Variants in NFIX observed in about 807,000 individuals in gnomAD.
NFIX encodes nuclear factor 1 X-type.
A neutral mutation model predicts 53.3 loss-of-function variants in NFIX; 2 were observed. The ratio of observed to expected loss-of-function variants is 0.04; its 90% CI spans 0.02 to 0.12. The LOEUF (loss-of-function observed/expected upper bound fraction) is 0.12, where lower values mean the gene tolerates loss of function less well. Ranked by LOEUF, NFIX falls within the 10% of genes least tolerant of loss-of-function variation. The pLI, the probability that NFIX is intolerant of heterozygous loss-of-function variation, is 1.00. For missense variants in NFIX, 310 were observed against 674.5 expected (o/e 0.46, Z 5.99); for synonymous variants, 244 against 289.0 (o/e 0.84, Z 1.58).
Position 13,011,855 on chromosome 19 carries a change from C to T in NFIX, c.28-13166C>T, listed in dbSNP as rs1178402257. The stretch of plus-strand genomic sequence containing the variant: ...CTCAAGGCGCCTGGCATTTCCTGGA[C>T]CCGCTGCAACTGACTCAAGACTGGG... On this transcript the variant is annotated intron_variant, in intron 1 of 10. Coordinates refer to ENST00000592199, the MANE Select transcript of NFIX (RefSeq NM_001365902.3). The surrounding 1 kb of genome is among the most constrained non-coding windows in gnomAD (Gnocchi z 6.5). Among the ~76,000 whole-genome samples, 1 of 152,154 alleles carries T rather than the reference C, an allele frequency of 6.6e-6. No homozygotes were observed. The highest frequency in any genetic ancestry group is 1.5e-5 in the Non-Finnish European group (1 of 68,030).
In NFIX at chr19:13,002,782, C is replaced by A. The variant is rs777945945; in HGVS notation, c.27+6918C>A. On this transcript the variant is annotated intron_variant, in intron 1 of 10. Coordinates refer to ENST00000592199, the MANE Select transcript of NFIX (RefSeq NM_001365902.3). This position sits in a 1 kb window ranked among gnomAD's most constrained non-coding sequence, Gnocchi z 6.1. ...GGGGTTGCACTGGGGAGCTCTCCCC[C>A]CACTGGGCCCCACCCTGAGGGGAGC... 2.6e-5 allele frequency among the ~76,000 whole-genome samples: 4 copies of A among 152,162 alleles called. No individual in the cohort carries two copies. Among genetic ancestry groups the A allele is most frequent in the African/African-American group, 7.2e-5 (3 of 41,464 alleles).
rs1352890248 is a variant in NFIX, at chr19:13,068,715, A to G, written c.560-4332A>G. 2.0e-5 allele frequency among the ~76,000 whole-genome samples: 3 copies of G among 152,236 alleles called. No homozygotes were observed. Among genetic ancestry groups the G allele is most frequent in the Non-Finnish European group, 4.4e-5 (3 of 68,036 alleles). ...ACTTGGGCCCATGCGGAGGGAGTCC[A>G]GTCTTATTGCCTGCTCCTTCGTAGC... On this transcript the variant is annotated intron_variant, in intron 2 of 10. Coordinates refer to ENST00000592199, the MANE Select transcript of NFIX (RefSeq NM_001365902.3). This position sits in a 1 kb window ranked among gnomAD's most constrained non-coding sequence, Gnocchi z 4.2.
At chr19:13,018,733 C>T (rs1163129813) in intron 1 of NFIX, among the ~76,000 whole-genome samples, 1 of 152,244 alleles carries the variant, frequency 6.6e-6, no homozygotes, top group Non-Finnish European at 1.5e-5. Context: ...TCTGCAGTTC[C>T]CTTCCCATCT....
chr19:13,024,767 C>G (rs997209966), intron 1 of NFIX: 1 of 1,510,462 alleles, frequency 6.6e-7, no homozygotes, highest in Admixed American at 2.0e-5. Flanking sequence ...TGTAGAGGCT[C>G]CCGGTGCCTC....
Position 13,095,021 on chromosome 19 carries a change from C to G in NFIX, c.*372C>G. 1 of 249,602 alleles carries G rather than the reference C, an allele frequency of 4.0e-6. No homozygotes were observed. The highest frequency in any genetic ancestry group is 7.9e-6 in the Non-Finnish European group (1 of 126,514). The allele number at this position is 249,602 out of a possible 1,614,324, so 15.5% of individuals were successfully genotyped here. A position where few individuals can be genotyped will look rare whatever the true frequency, so the allele number is the denominator to read the frequency against. ...GAAGGAACAAAGTCCCCAAACAAAG[C>G]AACCAGCACAATTCTGAAGGGGCCT... On this transcript the variant is annotated 3_prime_UTR_variant, in exon 11 of 11. Transcript: ENST00000592199.
At position 13,094,778 on chromosome 19, in the gene NFIX, C is replaced by A; in HGVS notation, c.*129C>A. The stretch of plus-strand genomic sequence containing the variant: ...CCGAAAAGCAAAAATTACACGTCGT[C>A]AGCCACTCAGCCCTTCTCTCCTCCA... On this transcript the variant is annotated 3_prime_UTR_variant, in exon 11 of 11. Coordinates refer to ENST00000592199, the MANE Select transcript of NFIX (RefSeq NM_001365902.3). This position sits in a 1 kb window ranked among gnomAD's most constrained non-coding sequence, Gnocchi z 4.3. 1 of 965,680 alleles carries A rather than the reference C, an allele frequency of 1.0e-6. No individual in the cohort carries two copies. The highest frequency in any genetic ancestry group is 1.6e-6 in the Non-Finnish European group (1 of 643,714). The allele number at this position is 965,680 out of a possible 1,614,324, so 59.8% of individuals were successfully genotyped here.
In NFIX at chr19:13,081,913, T is replaced by C; in HGVS notation, c.1254+58T>C. On this transcript the variant is annotated intron_variant, in intron 8 of 10. Coordinates refer to ENST00000592199, the MANE Select transcript of NFIX (RefSeq NM_001365902.3). This position sits in a 1 kb window ranked among gnomAD's most constrained non-coding sequence, Gnocchi z 4.7. ...AGCCTCATCTCCACATCTATCTGTC[T>C]GTCTCAGGGCTCACAGGGAGAGGGC... 2 of 1,589,708 alleles carry C rather than the reference T, an allele frequency of 1.3e-6. No homozygotes were observed. Among genetic ancestry groups the C allele is most frequent in the Non-Finnish European group, 1.7e-6 (2 of 1,164,644 alleles).
At position 13,078,548 on chromosome 19, in the gene NFIX, C is replaced by T; in HGVS notation, c.956-65C>T. 1.3e-6 allele frequency: 2 copies of T among 1,535,012 alleles called. No homozygotes were observed. Among genetic ancestry groups the T allele is most frequent in the Non-Finnish European group, 1.8e-6 (2 of 1,134,300 alleles). ...AGAGAAGGAGCGAGCTGCTGGCTTC[C>T]CGCCTTCCCCGCACCCACCCCAGCC... is the stretch of plus-strand genomic sequence containing the variant. On this transcript the variant is annotated intron_variant, in intron 6 of 10. Coordinates refer to ENST00000592199, the MANE Select transcript of NFIX (RefSeq NM_001365902.3). This position sits in a 1 kb window ranked among gnomAD's most constrained non-coding sequence, Gnocchi z 4.7.
Position 13,021,110 on chromosome 19 carries a change from G to T in NFIX, c.28-3911G>T, listed in dbSNP as rs2012938626. Among the ~76,000 whole-genome samples the T allele has an allele frequency of 6.6e-6, 1 of 152,152 alleles. No individual in the cohort carries two copies. The highest frequency in any genetic ancestry group is 1.9e-4 in the East Asian group (1 of 5,194). On this transcript the variant is annotated intron_variant, in intron 1 of 10. Transcript: ENST00000592199. The surrounding 1 kb of genome is among the most constrained non-coding windows in gnomAD (Gnocchi z 4.2). ...TTGTAGTTTTTAATGACCTCATCTT[G>T]ACTTTAGAAGGTAAAATTGTTTCCA...
Position 13,037,428 on chromosome 19 carries a change from A to G in NFIX, c.559+11876A>G, listed in dbSNP as rs1019847469. Among the ~76,000 whole-genome samples, 1 of 152,240 alleles carries G rather than the reference A, an allele frequency of 6.6e-6. No homozygotes were observed. Among genetic ancestry groups the G allele is most frequent in the Non-Finnish European group, 1.5e-5 (1 of 68,042 alleles). The stretch of plus-strand genomic sequence containing the variant: ...GATCTCAGAGAGCCTCGTGGAAGTA[A>G]TGGCGCTGAGAGATGGCGCCTGGGG... On this transcript the variant is annotated intron_variant, in intron 2 of 10. Transcript: ENST00000592199. The surrounding 1 kb of genome is among the most constrained non-coding windows in gnomAD (Gnocchi z 4.2).
chr19:13,094,732 C>CCCCAG lies in NFIX; in HGVS notation c.*97_*101dup, dbSNP rs547137032. 50 of 1,434,928 alleles carry CCCCAG rather than the reference C, an allele frequency of 3.5e-5. No homozygotes were observed. Among genetic ancestry groups the CCCCAG allele is most frequent in the Non-Finnish European group, 4.4e-5 (46 of 1,056,024 alleles). The allele number at this position is 1,434,928 out of a possible 1,614,324, so 88.9% of individuals were successfully genotyped here. ...AAGAAATTTTGAGAATGGAAAAATC[C>CCCCAG]CCCAGCCCAGCCCAGCCCCACCGAA... is the stretch of plus-strand genomic sequence containing the variant. On this transcript the variant is annotated 3_prime_UTR_variant, in exon 11 of 11. Coordinates refer to ENST00000592199, the MANE Select transcript of NFIX (RefSeq NM_001365902.3). This position sits in a 1 kb window ranked among gnomAD's most constrained non-coding sequence, Gnocchi z 4.3.
intron 2 of NFIX, among the ~76,000 whole-genome samples, chr19:13,033,426 A>G (rs2013960865): frequency 6.6e-6 from 1 of 152,164 alleles, no homozygotes; most frequent in Non-Finnish European, 1.5e-5. Flanking sequence ...TTTCACCACC[A>G]GCTGCCATGG....
rs1159812109 is a variant in NFIX, at chr19:13,045,731, C to T, written c.559+20179C>T. 6.6e-6 allele frequency among the ~76,000 whole-genome samples: 1 copy of T among 152,168 alleles called. No homozygotes were observed. The highest frequency in any genetic ancestry group is 1.9e-4 in the East Asian group (1 of 5,198). ...ATCAGGGGACCACAGGCTGTGGTTG[C>T]GCCTGTCCGTTCTCCCTCCCTTTTC... is the stretch of plus-strand genomic sequence containing the variant. On this transcript the variant is annotated intron_variant, in intron 2 of 10. Coordinates refer to ENST00000592199, the MANE Select transcript of NFIX (RefSeq NM_001365902.3). This position sits in a 1 kb window ranked among gnomAD's most constrained non-coding sequence, Gnocchi z 4.4.
rs1259699753 is a variant in NFIX at position 13,019,734 on chromosome 19, T to TG, written c.28-5287_28-5286insG. 1.2e-3 allele frequency among the ~76,000 whole-genome samples: 161 copies of TG among 136,244 alleles called. 1 individual carries two copies. The highest frequency in any genetic ancestry group is 3.5e-3 in the East Asian group (18 of 5,096). The allele number at this position is 136,244 out of a possible 152,430, so 89.4% of individuals were successfully genotyped here. On this transcript the variant is annotated intron_variant, in intron 1 of 10. Transcript: ENST00000592199. ...CTGGTTTTTTTTTTGTTTGTTTGTT[T>TG]TTTTTTTTTTTTTACCAAATAGTAC... is the stretch of plus-strand genomic sequence containing the variant.
chr19:13,085,518 G>A (rs955036176), intron 8 of NFIX, among the ~76,000 whole-genome samples: 1 of 152,160 alleles, frequency 6.6e-6, no homozygotes, highest in Non-Finnish European at 1.5e-5. Context: ...GGGAGGCGTC[G>A]CATCACCTTT....
intron 1 of NFIX, among the ~76,000 whole-genome samples, chr19:13,018,835 G>A (rs1472281715): frequency 6.6e-6 from 1 of 152,224 alleles, no homozygotes; most frequent in Admixed American, 6.5e-5. Flanking sequence ...TTACGAAGCC[G>A]GCTTCTTTTG....
chr19:13,062,688 C>CT lies in NFIX; in HGVS notation c.560-10359_560-10358insT, dbSNP rs747345877. Reference sequence around the variant, plus strand: ...GGAGGAAAGGCTGTTTAGTTTCCAGCCTCCAGGTGGGAGAAGGGCCCCACT... The same window carrying CT: ...GGAGGAAAGGCTGTTTAGTTTCCAGCTCTCCAGGTGGGAGAAGGGCCCCACT... On this transcript the variant is annotated intron_variant, in intron 2 of 10. Coordinates refer to ENST00000592199, the MANE Select transcript of NFIX (RefSeq NM_001365902.3). Among the ~76,000 whole-genome samples, 33 of 152,174 alleles carry CT rather than the reference C, an allele frequency of 2.2e-4. 1 individual carries two copies. Among genetic ancestry groups the CT allele is most frequent in the Non-Finnish European group, 4.4e-5 (3 of 68,036 alleles).
At position 13,005,321 on chromosome 19, in the gene NFIX, C is replaced by T. The variant is rs1409596129; in HGVS notation, c.27+9457C>T. Among the ~76,000 whole-genome samples the T allele has an allele frequency of 6.6e-6, 1 of 152,192 alleles. No homozygotes were observed. Among genetic ancestry groups the T allele is most frequent in the African/African-American group, 2.4e-5 (1 of 41,442 alleles). On this transcript the variant is annotated intron_variant, in intron 1 of 10. Coordinates refer to ENST00000592199, the MANE Select transcript of NFIX (RefSeq NM_001365902.3). This position sits in a 1 kb window ranked among gnomAD's most constrained non-coding sequence, Gnocchi z 4.7. Reference sequence around the variant, plus strand: ...GAACTGTGTGCTTGCTGCGTTGCACCCTTGCTAAGTGCCTTCCCAGCTTGT... The same window carrying T: ...GAACTGTGTGCTTGCTGCGTTGCACTCTTGCTAAGTGCCTTCCCAGCTTGT...
intron 8 of NFIX, among the ~76,000 whole-genome samples, chr19:13,083,176 T>C (rs1353091622): frequency 6.6e-6 from 1 of 152,136 alleles, no homozygotes; most frequent in East Asian, 1.9e-4. Flanking sequence ...TTTAGGGCCA[T>C]GGAGGGAAGA....
Sources: allele counts gnomAD v4.1 joint callset (sites outside exome capture counted in the v4.1 genomes callset), GRCh38; gene constraint gnomAD v4.1.1; non-coding constraint Gnocchi (gnomAD v3.1); transcripts MANE v1.5; gene names NCBI Gene and HGNC (gene_info 2026-07-23, HGNC 2026-07-21).